Variants in TNFSF12 observed in about 807,000 individuals in gnomAD.
TNFSF12 encodes the protein TNF superfamily member 12.
In TNFSF12, 16 loss-of-function variants were observed where a neutral mutation model predicts 31.2. The observed-to-expected ratio is 0.51, with a 90% CI of 0.35 to 0.78. The LOEUF is 0.78. Among genes scored for constraint, TNFSF12 ranks in the 30% least tolerant of loss-of-function variants. The pLI is 0.01. For missense variants in TNFSF12, 324 were observed against 338.8 expected, an observed-to-expected ratio of 0.96 and a Z score of 0.34; for synonymous variants, 150 against 151.4, an observed-to-expected ratio of 0.99 and a Z score of 0.07.
rs1188875947 is a variant in TNFSF12, at chr17:7,549,204, C to A, written c.51C>A (p.Gly17=). 4 of 1,323,384 alleles carry A rather than the reference C, an allele frequency of 3.0e-6. No homozygotes were observed. Among genetic ancestry groups the A allele is most frequent in the Non-Finnish European group, 3.8e-6 (4 of 1,040,854 alleles). 82.0% of individuals were successfully genotyped at this position (1,323,384 alleles called of 1,614,324 possible). Residue 17 remains glycine (G), a synonymous_variant, in exon 1 of 7, where the codon GGC becomes GGA. Transcript: ENST00000293825. The surrounding 1 kb of genome is among the most constrained non-coding windows in gnomAD (Gnocchi z 4.1). ...GGAGGGGGCGCCGGGGGGAGCCGGGCACCGCCCTGCTGGTCCCGCTCGCGC... is the reference window on the plus strand; with the variant it reads ...GGAGGGGGCGCCGGGGGGAGCCGGGAACCGCCCTGCTGGTCCCGCTCGCGC... ...QRRRGRRGEP[G]TALLVPLALG... is the part of the protein sequence containing the mutation.
chr17:7,550,726 A>G lies in TNFSF12; in HGVS notation c.284-73A>G, dbSNP rs2070991167. 6 of 1,566,272 alleles carry G rather than the reference A, an allele frequency of 3.8e-6. No homozygotes were observed. Among genetic ancestry groups the G allele is most frequent in the Non-Finnish European group, 5.2e-6 (6 of 1,147,710 alleles). On this transcript the variant is annotated intron_variant, in intron 3 of 6. Transcript: ENST00000293825. This position sits in a 1 kb window ranked among gnomAD's most constrained non-coding sequence, Gnocchi z 4.4. ...GGATGCCAGGGTTCCTGAGAGGGGAATGGGGCTGGGAGAGTTGCTCTGGGA... is the reference window on the plus strand; with the variant it reads ...GGATGCCAGGGTTCCTGAGAGGGGAGTGGGGCTGGGAGAGTTGCTCTGGGA...
chr17:7,549,193 G>A lies in TNFSF12; in HGVS notation c.40G>A (p.Gly14Arg). 5 of 1,309,446 alleles carry A rather than the reference G, an allele frequency of 3.8e-6. No homozygotes were observed. The highest frequency in any genetic ancestry group is 3.9e-6 in the Non-Finnish European group (4 of 1,033,136). 81.1% of individuals were successfully genotyped at this position (1,309,446 alleles called of 1,614,324 possible). A position where few individuals can be genotyped will look rare whatever the true frequency, so the allele number is the denominator to read the frequency against. ...RRSQRRRGRR[G>R]EPGTALLVPL... The stretch of plus-strand genomic sequence containing the variant: ...GAGCCAGAGGCGGAGGGGGCGCCGG[G>A]GGGAGCCGGGCACCGCCCTGCTGGT... The change falls in exon 1 of 7, where the codon GGG (glycine) becomes AGG (arginine). Residue 14 changes from glycine to arginine, a missense_variant. Transcript: ENST00000293825. The surrounding 1 kb of genome is among the most constrained non-coding windows in gnomAD (Gnocchi z 4.1).
At chr17:7,555,571 C>A (rs1158332988) in intron 5 of TNFSF12, among the ~76,000 whole-genome samples, 2 of 152,190 alleles carry the variant, frequency 1.3e-5, no homozygotes, top group African/African-American at 2.4e-5. Flanking sequence ...GAGACTCATT[C>A]TGTGGCTTTG....
Position 7,550,315 on chromosome 17 carries a change from C to T in TNFSF12, c.283+120C>T, listed in dbSNP as rs552652638. 37 of 1,476,226 alleles carry T rather than the reference C, an allele frequency of 2.5e-5. No individual in the cohort carries two copies. The East Asian group carries it at 8.1e-4, about 32-fold the overall frequency. 91.4% of individuals were successfully genotyped at this position (1,476,226 alleles called of 1,614,324 possible). On this transcript the variant is annotated intron_variant, in intron 3 of 6. Transcript: ENST00000293825. The surrounding 1 kb of genome is among the most constrained non-coding windows in gnomAD (Gnocchi z 4.4). ...GAGTCATGCAGCTAACCAGCCAAGA[C>T]TCAAACCTAGGGATTCTCGCCCTCC...
chr17:7,552,665 C>T (rs930281173), intron 5 of TNFSF12, among the ~76,000 whole-genome samples: 2 of 151,964 alleles, frequency 1.3e-5, no homozygotes, highest in South Asian at 2.1e-4. Flanking sequence ...TTGGGTGAGA[C>T]GCCAGGAGAA....
intron 6 of TNFSF12, 33 bp downstream of exon 6, chr17:7,556,935 T>C (rs1482449504): frequency 3.3e-6 from 5 of 1,527,142 alleles, no homozygotes; most frequent in Non-Finnish European, 4.4e-6. Flanking sequence ...GGTAACGCAG[T>C]AAGAGAGTGG....
intron 5 of TNFSF12, chr17:7,553,615 A>G: frequency 7.7e-7 from 1 of 1,300,504 alleles, no homozygotes; most frequent in Non-Finnish European, 1.0e-6. Context: ...GTCTGAGGCC[A>G]TGAGATACTA....
rs1437809803 is a variant in TNFSF12 at position 7,549,515 on chromosome 17, C to A, written c.201C>A (p.Asp67Glu). ...AGCTGGTGGCAGAGGAGGACCAGGA[C>A]CCGTCGGTGAGTGGGCGTGGGCGCG... ...QEELVAEEDQDPSELNPQTEE... is the reference protein window; with the variant it reads ...QEELVAEEDQEPSELNPQTEE... The change falls in exon 2 of 7, where the codon GAC becomes GAA. Residue 67 changes from aspartate (D) to glutamate (E), a missense_variant. Transcript: ENST00000293825. This position sits in a 1 kb window ranked among gnomAD's most constrained non-coding sequence, Gnocchi z 4.1. The A allele has an allele frequency of 1.3e-6, 2 of 1,552,096 alleles. No homozygotes were observed. The highest frequency in any genetic ancestry group is 1.7e-4 in the Middle Eastern group (1 of 5,878).
chr17:7,554,192 C>A (rs2071031961), intron 5 of TNFSF12, among the ~76,000 whole-genome samples: 1 of 152,106 alleles, frequency 6.6e-6, no homozygotes, highest in Non-Finnish European at 1.5e-5. Context: ...TCTGTATAGA[C>A]CACTTATTTT....
At chr17:7,556,726 TGG>T in intron 5 of TNFSF12, 50 bp from the exon 6 acceptor site, 18 of 1,429,242 alleles carry the variant, frequency 1.3e-5, no homozygotes, top group Non-Finnish European at 1.7e-5. Flanking sequence ...CTGGGGAGTG[TGG>T]GGGAGTCCTG....
intron 5 of TNFSF12, chr17:7,553,882 G>A: frequency 1.8e-6 from 2 of 1,081,112 alleles, no homozygotes; most frequent in South Asian, 5.1e-5. Context: ...ATGACTTCTA[G>A]GTCCTCTGGA....
Position 7,550,791 on chromosome 17 carries a change from A to G in TNFSF12, c.284-8A>G, listed in dbSNP as rs1412998675. On this transcript the variant is annotated splice_polypyrimidine_tract_variant and splice_region_variant and intron_variant, in intron 3 of 6. Coordinates refer to ENST00000293825, the MANE Select transcript of TNFSF12 (RefSeq NM_003809.3). The surrounding 1 kb of genome is among the most constrained non-coding windows in gnomAD (Gnocchi z 4.4). ...CGCTTTGCTCATCTGTCTTTCCTTG[A>G]TCCTCAGCACCTAAAGGCCGGAAAA... 6 of 1,608,304 alleles carry G rather than the reference A, an allele frequency of 3.7e-6. No individual in the cohort carries two copies. Among genetic ancestry groups the G allele is most frequent in the African/African-American group, 1.3e-5 (1 of 74,732 alleles).
At chr17:7,556,653 C>G (rs1012767156) in intron 5 of TNFSF12, 125 bp from the exon 6 acceptor site, 2 of 1,330,324 alleles carry the variant, frequency 1.5e-6, no homozygotes, top group Non-Finnish European at 1.9e-6. Context: ...CTCCCTTGCC[C>G]GGGGTGATCT....
chr17:7,549,629 GGT>G lies in TNFSF12; in HGVS notation c.207+116_207+117del, dbSNP rs1165728322. On this transcript the variant is annotated intron_variant, in intron 2 of 6. Coordinates refer to ENST00000293825, the MANE Select transcript of TNFSF12 (RefSeq NM_003809.3). The surrounding 1 kb of genome is among the most constrained non-coding windows in gnomAD (Gnocchi z 4.1). ...CCAGCCGTACTCGAGGTGTGTGCAG[GGT>G]GTGTGTGAACACAGTGCGTGCATGG... 4.2e-6 allele frequency: 6 copies of G among 1,421,588 alleles called. No homozygotes were observed. In the South Asian group the frequency reaches 7.4e-5, roughly 17 times the overall value. 88.1% of individuals were successfully genotyped at this position (1,421,588 alleles called of 1,614,324 possible). A position where few individuals can be genotyped will look rare whatever the true frequency, so the allele number is the denominator to read the frequency against.
At chr17:7,556,299 G>A (rs2071064999) in intron 5 of TNFSF12, among the ~76,000 whole-genome samples, 1 of 152,106 alleles carries the variant, frequency 6.6e-6, no homozygotes. Context: ...TGTTTTCAAG[G>A]CACATCTGTG....
Position 7,557,212 on chromosome 17 carries a change from G to A in TNFSF12, c.612G>A (p.Gly204=). The change falls in exon 7 of 7, where the codon GGG becomes GGA. Residue 204 remains glycine (G), a synonymous_variant. Coordinates refer to ENST00000293825, the MANE Select transcript of TNFSF12 (RefSeq NM_003809.3). The surrounding 1 kb of genome is among the most constrained non-coding windows in gnomAD (Gnocchi z 5.2). The part of the protein sequence containing the change: ...EFSATAASSL[G]PQLRLCQVSG... ...CAGCCACTGCGGCGAGTTCCCTCGG[G>A]CCCCAGCTCCGCCTCTGCCAGGTGT... 1.2e-6 allele frequency: 2 copies of A among 1,612,040 alleles called. No homozygotes were observed. Among genetic ancestry groups the A allele is most frequent in the South Asian group, 1.1e-5 (1 of 91,014 alleles).
At position 7,550,923 on chromosome 17, in the gene TNFSF12, C is replaced by A; in HGVS notation, c.338-20C>A. On this transcript the variant is annotated intron_variant, in intron 4 of 6. Transcript: ENST00000293825. The surrounding 1 kb of genome is among the most constrained non-coding windows in gnomAD (Gnocchi z 4.4). Reference sequence around the variant, plus strand: ...AGAGGGTCAGGGCAGGTCTCACCAGCCTTTTCCTGTACTTTACAGTTCATC... The same window carrying A: ...AGAGGGTCAGGGCAGGTCTCACCAGACTTTTCCTGTACTTTACAGTTCATC... 5 of 1,614,124 alleles carry A rather than the reference C, an allele frequency of 3.1e-6. No individual in the cohort carries two copies. The highest frequency in any genetic ancestry group is 4.2e-6 in the Non-Finnish European group (5 of 1,180,006).
At position 7,549,200 on chromosome 17, in the gene TNFSF12, C is replaced by T. The variant is rs1398844379; in HGVS notation, c.47C>T (p.Pro16Leu). The T allele has an allele frequency of 3.8e-6, 5 of 1,315,612 alleles. 1 individual carries two copies. The Admixed American group carries it at 1.2e-4, about 32-fold the overall frequency. The allele number at this position is 1,315,612 out of a possible 1,614,324, so 81.5% of individuals were successfully genotyped here. ...SQRRRGRRGE[P>L]GTALLVPLAL... ...AGGCGGAGGGGGCGCCGGGGGGAGC[C>T]GGGCACCGCCCTGCTGGTCCCGCTC... is the stretch of plus-strand genomic sequence containing the variant. Residue 16 changes from proline (P) to leucine (L), a missense_variant, in exon 1 of 7, where the codon CCG becomes CTG. By Grantham distance (98) the Pro-to-Leu change is moderately conservative. Transcript: ENST00000293825. The surrounding 1 kb of genome is among the most constrained non-coding windows in gnomAD (Gnocchi z 4.1).
chr17:7,551,306 T>C (rs2150905308), intron 5 of TNFSF12, among the ~76,000 whole-genome samples: 1 of 152,208 alleles, frequency 6.6e-6, no homozygotes, highest in South Asian at 2.1e-4. Context: ...GCTGCTAGTG[T>C]CTGCTCATCT....
Sources: gnomAD v4.1 joint callset for allele counts (sites outside exome capture counted in the v4.1 genomes callset) on GRCh38, gnomAD v4.1.1 for gene constraint, Gnocchi (gnomAD v3.1) non-coding constraint, MANE v1.5 for transcripts, NCBI Gene and HGNC (gene_info 2026-07-23, HGNC 2026-07-21) for gene names.